Variants in PCDH11X observed in about 807,000 individuals in gnomAD.
PCDH11X encodes the protein protocadherin-11 X-linked.
In PCDH11X, 18 loss-of-function variants were observed where a neutral mutation model predicts 53.3. The observed-to-expected ratio is 0.34, with a 90% CI of 0.23 to 0.50. PCDH11X has a LOEUF of 0.50. PCDH11X is among the 20% of genes least tolerant of loss of function. The pLI is 0.98. For missense variants in PCDH11X, 570 were observed against 1,032.4 expected (o/e 0.55, Z 6.14); for synonymous variants, 279 against 393.3 (o/e 0.71, Z 3.44).
At chrX:92,505,947 G>GA (rs1423249241) in intron 10 of PCDH11X, among the ~76,000 whole-genome samples, 2 of 110,368 alleles carry the variant, frequency 1.8e-5, no homozygotes, top group Non-Finnish European at 3.8e-5. Context: ...TTGCATTCTT[G>GA]ATGTGGCTCT....
At chrX:92,229,872 T>C (rs764238900) in intron 7 of PCDH11X, among the ~76,000 whole-genome samples, 1 of 111,334 alleles carries the variant, frequency 9.0e-6, no homozygotes, top group East Asian at 2.9e-4. Context: ...TAATTTTGGC[T>C]TATGATCTCC....
chrX:92,213,140 C>T (rs982470489), intron 7 of PCDH11X, among the ~76,000 whole-genome samples: 1 of 111,821 alleles, frequency 8.9e-6, no homozygotes, highest in Non-Finnish European at 1.9e-5. Context: ...AATCAACATA[C>T]CCTGATGTGA....
chrX:92,375,624 T>C (rs2148558382), intron 8 of PCDH11X, among the ~76,000 whole-genome samples: 1 of 110,446 alleles, frequency 9.1e-6, no homozygotes, highest in South Asian at 3.9e-4. Context: ...TTTTTTTTGT[T>C]GTTTCTTTGT....
chrX:92,292,575 A>G (rs1353787689), intron 8 of PCDH11X, among the ~76,000 whole-genome samples: 1 of 110,521 alleles, frequency 9.0e-6, no homozygotes, highest in African/African-American at 3.3e-5. Flanking sequence ...TGAAGCCACA[A>G]CCTCCTGAGA....
chrX:92,087,945 T>TATATATATAAGAA (rs201166873), intron 6 of PCDH11X, among the ~76,000 whole-genome samples: 2 of 105,692 alleles, frequency 1.9e-5, no homozygotes, highest in African/African-American at 3.4e-5. Flanking sequence ...ATATATATGA[T>TATATATATAAGAA]ATATATATAA....
chrX:92,308,092 C>T (rs1227077381), intron 8 of PCDH11X, among the ~76,000 whole-genome samples: 2 of 103,323 alleles, frequency 1.9e-5, no homozygotes, highest in African/African-American at 3.5e-5. Context: ...AAGCTGTCTA[C>T]ATATTCAGTG....
At chrX:91,926,286 G>A (rs1337962496) in intron 6 of PCDH11X, among the ~76,000 whole-genome samples, 1 of 109,850 alleles carries the variant, frequency 9.1e-6, no homozygotes, top group African/African-American at 3.3e-5. Flanking sequence ...CAAGAAGGCC[G>A]GTATGTTGGT....
chrX:92,249,289 C>A (rs1476369928), intron 7 of PCDH11X, among the ~76,000 whole-genome samples: 2 of 111,176 alleles, frequency 1.8e-5, no homozygotes, highest in Admixed American at 9.6e-5. Context: ...GTTCATTGTG[C>A]AAACATCTAC....
chrX:92,242,097 CA>C (rs201713655), intron 7 of PCDH11X, among the ~76,000 whole-genome samples: 7 of 101,210 alleles, frequency 6.9e-5, no homozygotes, highest in East Asian at 3.3e-4. Flanking sequence ...ACCTCCATCT[CA>C]AAAAAAAAAA....
intron 10 of PCDH11X, among the ~76,000 whole-genome samples, chrX:92,563,983 G>A (rs1921146711): frequency 9.1e-6 from 1 of 109,804 alleles, no homozygotes; most frequent in Non-Finnish European, 1.9e-5. Flanking sequence ...GTCACCAGGA[G>A]ACAATCTGAA....
chrX:91,917,267 A>G (rs1941595368), intron 6 of PCDH11X, among the ~76,000 whole-genome samples: 1 of 106,804 alleles, frequency 9.4e-6, no homozygotes, highest in Non-Finnish European at 1.9e-5. Context: ...AAGGATGTCC[A>G]GTTTTACCAC....
intron 9 of PCDH11X, among the ~76,000 whole-genome samples, chrX:92,462,135 C>A (rs2073060151): frequency 8.9e-6 from 1 of 111,790 alleles, no homozygotes; most frequent in Non-Finnish European, 1.9e-5. Flanking sequence ...TATATTCTCT[C>A]TCTAGATATG....
Position 91,970,984 on chromosome X carries a change from A to G in PCDH11X, c.3033+91711A>G, listed in dbSNP as rs770450264. On this transcript the variant is annotated intron_variant, in intron 6 of 10. Transcript: ENST00000682573. ...TAGCGTCATGCAGATGCTACTTAAT[A>G]TAACTTTAAAATACATAGAAATTTT... Among the ~76,000 whole-genome samples the G allele has an allele frequency of 3.8e-3, 419 of 111,528 alleles. 3 individuals carry two copies. Among genetic ancestry groups the G allele is most frequent in the African/African-American group, 0.012 (382 of 30,708 alleles).
At chrX:92,224,331 ATGTT>A (rs908336466) in intron 7 of PCDH11X, among the ~76,000 whole-genome samples, 5 of 111,808 alleles carry the variant, frequency 4.5e-5, no homozygotes, top group Non-Finnish European at 9.4e-5. Context: ...ATAGTAGAGA[ATGTT>A]TGTGGGAGAT....
At chrX:92,059,280 G>A (rs971934916) in intron 6 of PCDH11X, among the ~76,000 whole-genome samples, 1 of 110,758 alleles carries the variant, frequency 9.0e-6, no homozygotes, top group Non-Finnish European at 1.9e-5. Context: ...AACTCATATT[G>A]TACAGGACTT....
intron 6 of PCDH11X, among the ~76,000 whole-genome samples, chrX:92,158,659 CAG>C (rs2065582775): frequency 9.0e-6 from 1 of 111,176 alleles, no homozygotes; most frequent in Non-Finnish European, 1.9e-5. Context: ...ATTTTTGAAA[CAG>C]AGTCTAGCTC....
At chrX:91,971,569 C>A (rs908486800) in intron 6 of PCDH11X, among the ~76,000 whole-genome samples, 4 of 111,555 alleles carry the variant, frequency 3.6e-5, no homozygotes, top group Middle Eastern at 4.6e-3. Flanking sequence ...AAAAACATAG[C>A]TTTTGGTTCT....
intron 6 of PCDH11X, among the ~76,000 whole-genome samples, chrX:92,020,315 G>A (rs972509098): frequency 2.7e-5 from 3 of 112,289 alleles, no homozygotes; most frequent in Non-Finnish European, 3.8e-5. Context: ...GGGAAGGACA[G>A]CAGCCATCTC....
chrX:92,569,349 C>T (rs1422755418), intron 10 of PCDH11X, among the ~76,000 whole-genome samples: 1 of 110,333 alleles, frequency 9.1e-6, no homozygotes, highest in Non-Finnish European at 1.9e-5. Flanking sequence ...ATGCAGCAGA[C>T]ACTGTATTTG....
Sources: allele counts gnomAD v4.1 joint callset (sites outside exome capture counted in the v4.1 genomes callset), GRCh38; gene constraint gnomAD v4.1.1; transcripts MANE v1.5; gene names NCBI Gene and HGNC (gene_info 2026-07-23, HGNC 2026-07-21).